Variants in LUZP2 observed in about 807,000 individuals in gnomAD.
LUZP2 encodes the protein leucine zipper protein 2.
LUZP2 carries 52 observed loss-of-function variants against 51.6 expected under a neutral mutation model. The ratio of observed to expected loss-of-function variants is 1.01; its 90% CI spans 0.81 to 1.27. The LOEUF (loss-of-function observed/expected upper bound fraction) is 1.27. Ranked by LOEUF, LUZP2 falls within the 50% of genes most tolerant of loss-of-function variation. The probability of loss-of-function intolerance (pLI) is 0.00; values close to 1 mark genes in which losing one functional copy is unlikely to be tolerated. For missense variants in LUZP2, 436 were observed against 395.4 expected, an observed-to-expected ratio of 1.10 and a Z score of -0.87; for synonymous variants, 154 against 137.3, an observed-to-expected ratio of 1.12 and a Z score of -0.85.
At chr11:24,840,365 GT>G (rs932099388) in intron 5 of LUZP2, among the ~76,000 whole-genome samples, 4 of 151,786 alleles carry the variant, frequency 2.6e-5, no homozygotes, top group Non-Finnish European at 5.9e-5. Flanking sequence ...GTACCAGATG[GT>G]TTTTTGACAT....
chr11:24,973,912 G>GT, intron 7 of LUZP2, among the ~76,000 whole-genome samples: 1 of 152,140 alleles, frequency 6.6e-6, no homozygotes, highest in East Asian at 1.9e-4. Context: ...ATATTCTGTT[G>GT]TTTTTTAATG....
intron 1 of LUZP2, among the ~76,000 whole-genome samples, chr11:24,609,493 A>C (rs1486734526): frequency 6.6e-6 from 1 of 152,102 alleles, no homozygotes; most frequent in Non-Finnish European, 1.5e-5. Context: ...TGGGAGGCTG[A>C]GGCAGATGGA....
intron 7 of LUZP2, among the ~76,000 whole-genome samples, chr11:24,951,340 T>G (rs1855073719): frequency 6.6e-6 from 1 of 151,602 alleles, no homozygotes; most frequent in South Asian, 2.1e-4. Flanking sequence ...TCTTGGCATA[T>G]GATAAGTATT....
At chr11:24,718,205 A>C (rs2133945711) in intron 1 of LUZP2, among the ~76,000 whole-genome samples, 1 of 152,308 alleles carries the variant, frequency 6.6e-6, no homozygotes, top group Non-Finnish European at 1.5e-5. Context: ...CCATAAGCCA[A>C]TTAATTAATG....
rs146596568 is a variant in LUZP2 at position 24,934,197 on chromosome 11, T to G, written c.522+19659T>G. 9.7e-3 allele frequency among the ~76,000 whole-genome samples: 1,473 copies of G among 152,336 alleles called. 20 individuals are homozygous for G. Among genetic ancestry groups the G allele is most frequent in the South Asian group, 0.045 (216 of 4,828 alleles). ...TTTTCACTTCTTTTCTGGATCTTCA[T>G]TTGCTTCAGGCCATCTGGATATATA... On this transcript the variant is annotated intron_variant, in intron 7 of 11. Transcript: ENST00000336930.
intron 1 of LUZP2, among the ~76,000 whole-genome samples, chr11:24,704,196 G>A (rs1169927884): frequency 6.6e-6 from 1 of 152,076 alleles, no homozygotes; most frequent in African/African-American, 2.4e-5. Context: ...TCTTTGGAGG[G>A]GAAAGGGACA....
At chr11:25,026,404 C>G (rs953448496) in intron 9 of LUZP2, among the ~76,000 whole-genome samples, 7 of 152,152 alleles carry the variant, frequency 4.6e-5, no homozygotes, top group African/African-American at 1.2e-4. Context: ...TATTTACAAA[C>G]TATCCTCTAG....
intron 7 of LUZP2, among the ~76,000 whole-genome samples, chr11:24,943,175 C>A (rs1854801710): frequency 6.6e-6 from 1 of 152,146 alleles, no homozygotes; most frequent in Non-Finnish European, 1.5e-5. Flanking sequence ...GTAAAAAAAT[C>A]AGAAATTAAT....
intron 10 of LUZP2, among the ~76,000 whole-genome samples, chr11:25,067,281 C>A (rs996785816): frequency 8.6e-5 from 13 of 151,768 alleles, no homozygotes; most frequent in African/African-American, 3.1e-4. Flanking sequence ...GGATATTAGC[C>A]CTTTGTCAGA....
intron 1 of LUZP2, 75 bp from the exon 2 acceptor site, chr11:24,729,094 G>A (rs1038011914): frequency 1.0e-5 from 6 of 597,546 alleles, no homozygotes; most frequent in Non-Finnish European, 1.4e-5. Context: ...CACTGAAACT[G>A]TGAGTGTTAG....
intron 9 of LUZP2, among the ~76,000 whole-genome samples, chr11:25,018,234 C>G: frequency 6.6e-6 from 1 of 152,014 alleles, no homozygotes; most frequent in Non-Finnish European, 1.5e-5. Context: ...TCTAGGTATG[C>G]AACCATGGCA....
chr11:24,961,269 G>C (rs1339968492), intron 7 of LUZP2, among the ~76,000 whole-genome samples: 2 of 152,116 alleles, frequency 1.3e-5, no homozygotes, highest in Non-Finnish European at 1.5e-5. Context: ...AGGTCCGCTT[G>C]GTGCAGAGCT....
intron 1 of LUZP2, among the ~76,000 whole-genome samples, chr11:24,713,688 T>TG (rs946439642): frequency 1.4e-5 from 2 of 141,312 alleles, no homozygotes; most frequent in African/African-American, 5.3e-5. Flanking sequence ...AATCTGTTTT[T>TG]TTTTTTTTTT....
At chr11:24,964,836 G>T (rs1359876738) in intron 7 of LUZP2, among the ~76,000 whole-genome samples, 1 of 151,630 alleles carries the variant, frequency 6.6e-6, no homozygotes, top group Non-Finnish European at 1.5e-5. Context: ...AGTCAATCCA[G>T]GTTCATATAT....
intron 5 of LUZP2, among the ~76,000 whole-genome samples, chr11:24,825,686 T>A (rs1401835263): frequency 6.6e-6 from 1 of 152,092 alleles, no homozygotes; most frequent in Non-Finnish European, 1.5e-5. Context: ...TCCATGCTCA[T>A]GAATTTTAAA....
intron 5 of LUZP2, among the ~76,000 whole-genome samples, chr11:24,830,384 G>GGAGAA (rs1380136481): frequency 4.7e-5 from 5 of 106,504 alleles, no homozygotes; most frequent in South Asian, 2.6e-4. Context: ...AAATCGTATT[G>GGAGAA]TCCATATGTT....
intron 1 of LUZP2, among the ~76,000 whole-genome samples, chr11:24,704,374 T>G (rs1857508108): frequency 6.6e-6 from 1 of 152,092 alleles, no homozygotes; most frequent in Admixed American, 6.5e-5. Context: ...TTTTCTCTTA[T>G]GTGTTAAAGC....
chr11:24,973,364 G>GTTTTTTTTTTTTTTTTTTTTTTTTTTTTT (rs369095558), intron 7 of LUZP2, among the ~76,000 whole-genome samples: 1 of 102,998 alleles, frequency 9.7e-6, no homozygotes, highest in Non-Finnish European at 1.9e-5. Flanking sequence ...ATATTTATTA[G>GTTTTTTTTTTTTTTTTTTTTTTTTTTTTT]TTTTTTTTTT....
rs573092657 is a variant in LUZP2 at position 24,629,593 on chromosome 11, C to T, written c.63-99576C>T. Among the ~76,000 whole-genome samples the T allele has an allele frequency of 6.9e-5, 10 of 145,302 alleles. No homozygotes were observed. In the East Asian group the frequency reaches 1.0e-3, roughly 14 times the overall value. Reference sequence around the variant, plus strand: ...ACCATATTTTCTTTATCTAACCATCCGTTGATGAACACTTAGATTGATTCC... The same window carrying T: ...ACCATATTTTCTTTATCTAACCATCTGTTGATGAACACTTAGATTGATTCC... On this transcript the variant is annotated intron_variant, in intron 1 of 11. Transcript: ENST00000336930.
Sources: allele counts gnomAD v4.1 joint callset (sites outside exome capture counted in the v4.1 genomes callset), GRCh38; gene constraint gnomAD v4.1.1; transcripts MANE v1.5; gene names NCBI Gene and HGNC (gene_info 2026-07-23, HGNC 2026-07-21).